Variants in PARP1 observed in about 807,000 individuals in gnomAD.
The protein encoded by PARP1 is poly(ADP-ribose) polymerase 1.
Under a neutral mutation model 118.7 loss-of-function variants are expected in PARP1, and 44 were observed. The ratio of observed to expected loss-of-function variants is 0.37; its 90% CI spans 0.29 to 0.48. The LOEUF is 0.48. Ranked by LOEUF, PARP1 falls within the 20% of genes least tolerant of loss-of-function variation. The pLI, the probability that PARP1 is intolerant of heterozygous loss-of-function variation, is 0.99. For synonymous variants in PARP1, 492 were observed against 483.2 expected (o/e 1.02, Z -0.24); for missense variants, 1,100 against 1,272.4 (o/e 0.86, Z 2.06).
intron 13 of PARP1, among the ~76,000 whole-genome samples, chr1:226,376,679 C>T (rs552809607): frequency 7.9e-5 from 12 of 152,344 alleles, no homozygotes; most frequent in African/African-American, 2.9e-4. Flanking sequence ...CTGAGATGAT[C>T]ATGTGGTTTT....
At chr1:226,384,649 G>A (rs188859530) in intron 7 of PARP1, among the ~76,000 whole-genome samples, 1 of 152,348 alleles carries the variant, frequency 6.6e-6, no homozygotes, top group African/African-American at 2.4e-5. Flanking sequence ...AAGGGTGGGG[G>A]AAGTGACAAG....
chr1:226,401,809 T>C (rs1295421003), intron 2 of PARP1, among the ~76,000 whole-genome samples: 1 of 152,152 alleles, frequency 6.6e-6, no homozygotes, highest in Non-Finnish European at 1.5e-5. Flanking sequence ...TTCTGGACTC[T>C]GGGCAATAAT....
chr1:226,368,316 C>A lies in PARP1; in HGVS notation c.2160G>T (p.Val720=), dbSNP rs766566114. 7 of 1,614,082 alleles carry A rather than the reference C, an allele frequency of 4.3e-6. No homozygotes were observed. The highest frequency in any genetic ancestry group is 5.9e-6 in the Non-Finnish European group (7 of 1,180,040). The change falls in exon 16 of 23, where the codon GTG becomes GTT. Residue 720 remains valine (V), a synonymous_variant. Coordinates refer to ENST00000366794, the MANE Select transcript of PARP1 (RefSeq NM_001618.4). ...TCTGAGAGTCGCTGCTGCCCTGAGA[C>A]ACCGCCTGGAGAGGAGGGGACAGAA... ...YSILSEVQQA[V]SQGSSDSQIL... is the part of the protein sequence containing the mutation.
rs535012258 is a variant in PARP1 at position 226,379,402 on chromosome 1, C to G, written c.1613-128G>C. 719 of 1,328,316 alleles carry G rather than the reference C, an allele frequency of 5.4e-4. 10 individuals are homozygous for G. The South Asian group carries it at 8.1e-3, about 15-fold the overall frequency. 82.3% of individuals were successfully genotyped at this position (1,328,316 alleles called of 1,614,324 possible). ...ACTACCACCACCCTCGGGAGGCTCC[C>G]CACAAATGTGTGTTCTCAGGACTGG... is the stretch of plus-strand genomic sequence containing the variant. On this transcript the variant is annotated intron_variant, in intron 11 of 22. Coordinates refer to ENST00000366794, the MANE Select transcript of PARP1 (RefSeq NM_001618.4).
chr1:226,379,413 T>A, intron 11 of PARP1, 139 bp from the exon 12 acceptor site: 1 of 1,249,478 alleles, frequency 8.0e-7, no homozygotes, highest in Non-Finnish European at 1.2e-6. Context: ...CACAAATGTG[T>A]GTTCTCAGGA....
intron 17 of PARP1, chr1:226,366,922 G>A (rs764903736): frequency 1.1e-5 from 2 of 186,308 alleles, no homozygotes; most frequent in Admixed American, 5.3e-5. Flanking sequence ...TAGGCTCAAG[G>A]ACCGGGCCAT....
intron 10 of PARP1, 137 bp downstream of exon 10, chr1:226,379,785 G>C (rs772486469): frequency 6.9e-7 from 1 of 1,441,292 alleles, no homozygotes; most frequent in South Asian, 1.2e-5. Flanking sequence ...ACCCCAAAGC[G>C]CCTGCCATTC....
At position 226,379,646 on chromosome 1, in the gene PARP1, G is replaced by A. The variant is rs1664566211; in HGVS notation, c.1544-5C>T. 2 of 1,600,286 alleles carry A rather than the reference G, an allele frequency of 1.2e-6. No individual in the cohort carries two copies. The highest frequency in any genetic ancestry group is 1.7e-6 in the Non-Finnish European group (2 of 1,169,120). On this transcript the variant is annotated splice_polypyrimidine_tract_variant and splice_region_variant and intron_variant, in intron 10 of 22. Transcript: ENST00000366794. ...TCTTTTCAGATTTGTTGATACCTTG[G>A]AGGAGAACAGAAAAATGTAAACATG...
At chr1:226,403,840 T>G (rs899400668) in intron 1 of PARP1, among the ~76,000 whole-genome samples, 1 of 152,226 alleles carries the variant, frequency 6.6e-6, no homozygotes, top group Non-Finnish European at 1.5e-5. Flanking sequence ...GCAATAAGAC[T>G]ATTAAAACAG....
intron 21 of PARP1, 129 bp downstream of exon 21, chr1:226,362,969 GA>G (rs1195349970): frequency 2.7e-6 from 2 of 738,352 alleles, no homozygotes; most frequent in Non-Finnish European, 5.0e-6. Context: ...CACACCCCTC[GA>G]AAAGATAAAA....
intron 14 of PARP1, among the ~76,000 whole-genome samples, chr1:226,371,420 T>C (rs922761647): frequency 3.3e-5 from 5 of 152,150 alleles, no homozygotes; most frequent in African/African-American, 1.2e-4. Context: ...ACTGCTATGG[T>C]GATAAAATTA....
At chr1:226,368,645 T>A (rs946942363) in intron 15 of PARP1, among the ~76,000 whole-genome samples, 6 of 152,262 alleles carry the variant, frequency 3.9e-5, no homozygotes, top group African/African-American at 7.2e-5. Context: ...GGTGGTGGGC[T>A]AATGACTATT....
chr1:226,385,533 GTGTC>G lies in PARP1; in HGVS notation c.978_981del (p.Gln326HisfsTer8). ...GGGGTTACCCACTCCTTCCGGTTGG[GTGTC>G]TGTGTCTTGACCATACACTTGGTCC... On this transcript the variant is annotated frameshift_variant, in exon 7 of 23. Coordinates refer to ENST00000366794, the MANE Select transcript of PARP1 (RefSeq NM_001618.4). LOFTEE classifies it high-confidence loss of function. The G allele has an allele frequency of 6.2e-7, 1 of 1,614,126 alleles. No individual in the cohort carries two copies. The highest frequency in any genetic ancestry group is 8.5e-7 in the Non-Finnish European group (1 of 1,180,012).
chr1:226,372,065 G>C (rs1006870997), intron 14 of PARP1, among the ~76,000 whole-genome samples: 2 of 152,190 alleles, frequency 1.3e-5, no homozygotes, highest in Non-Finnish European at 2.9e-5. Flanking sequence ...AGGCTTCTAG[G>C]GCTGCAGCCT....
intron 14 of PARP1, 144 bp downstream of exon 14, chr1:226,374,082 A>G: frequency 1.0e-6 from 1 of 961,582 alleles, no homozygotes; most frequent in East Asian, 2.5e-5. Flanking sequence ...CACACAATTT[A>G]AGATTGAAGG....
At chr1:226,382,414 A>C (rs888245905) in intron 8 of PARP1, among the ~76,000 whole-genome samples, 1 of 152,198 alleles carries the variant, frequency 6.6e-6, no homozygotes, top group African/African-American at 2.4e-5. Context: ...GCTCCTCTGC[A>C]GTGCAGTCAG....
intron 1 of PARP1, 74 bp downstream of exon 1, chr1:226,407,730 CCGCCCT>C: frequency 1.4e-6 from 2 of 1,465,044 alleles, no homozygotes; most frequent in Admixed American, 2.1e-5. Context: ...CTCCCTGGGC[CCGCCCT>C]CCCCCAGCCT....
rs2102734815 is a variant in PARP1 at position 226,379,263 on chromosome 1, A to T, written c.1624T>A (p.Ser542Thr). 3.7e-6 allele frequency: 6 copies of T among 1,614,222 alleles called. No homozygotes were observed. Among genetic ancestry groups the T allele is most frequent in the Non-Finnish European group, 3.4e-6 (4 of 1,180,032 alleles). ...AVDPDSGLEH[S>T]AHVLEKGGKV... ...CCACCTTTCTCCAGGACATGCGCAG[A>T]GTGTTCCAGTCCTGTCCCAGAGGAA... The change falls in exon 12 of 23, where the codon TCT becomes ACT. Residue 542 changes from serine (S) to threonine (T), a missense_variant. Physicochemically the swap from Ser to Thr is moderately conservative, Grantham distance 58 (BLOSUM62 1). Around this residue, in one of 2 missense-constraint regions of PARP1, gnomAD observed 948 missense variants for 1,031.8 expected, o/e 0.92. Transcript: ENST00000366794.
In PARP1 at chr1:226,383,171, T is replaced by G; in HGVS notation, c.1024A>C (p.Ile342Leu). The G allele has an allele frequency of 6.2e-7, 1 of 1,613,128 alleles. No individual in the cohort carries two copies. Among genetic ancestry groups the G allele is most frequent in the Non-Finnish European group, 8.5e-7 (1 of 1,179,534 alleles). Residue 342 changes from isoleucine (I) to leucine (L), a missense_variant, in exon 8 of 23, where the codon ATC (isoleucine) becomes CTC (leucine). Transcript: ENST00000366794. ...EWVTPKEFRE[I>L]SYLKKLKVKK... is the part of the protein sequence containing the mutation. ...ACCTTCAATTTCTTGAGGTAAGAGA[T>G]TTCTCGGAATTCCTAAAAAATATTA...
Sources: gnomAD v4.1 joint callset for allele counts (sites outside exome capture counted in the v4.1 genomes callset) on GRCh38, gnomAD v4.1.1 for gene constraint, gnomAD v4.1.1 regional missense constraint, MANE v1.5 for transcripts, NCBI Gene and HGNC (gene_info 2026-07-23, HGNC 2026-07-21) for gene names.